The following PRH1 variants were observed in gnomAD, a reference collection of about 807,000 sequenced individuals.
The protein encoded by PRH1 is proline rich protein HaeIII subfamily 1, also known as salivary acidic proline-rich phosphoprotein 1/2.
In PRH1, 7 loss-of-function variants were observed where a neutral mutation model predicts 7.9. The ratio of observed to expected loss-of-function variants is 0.89; its 90% confidence interval spans 0.50 to 1.67. The LOEUF (loss-of-function observed/expected upper bound fraction) is 1.67, where lower values mean the gene tolerates loss of function less well. PRH1 is among the 40% of genes most tolerant of loss of function. The pLI is 0.00. For synonymous variants in PRH1, 45 were observed against 80.8 expected, an observed-to-expected ratio of 0.56 and a Z score of 2.38; for missense variants, 109 against 223.6, an observed-to-expected ratio of 0.49 and a Z score of 3.27.
chr12:10,968,738 G>A (rs894155904), intron 2 of PRH1, among the ~76,000 whole-genome samples: 1 of 152,224 alleles, frequency 6.6e-6, no homozygotes, highest in Non-Finnish European at 1.5e-5. Context: ...TCATGGGAGG[G>A]AGCACACAGG....
At chr12:10,904,028 C>T (rs572677223) in intron 2 of PRH1, among the ~76,000 whole-genome samples, 1 of 144,756 alleles carries the variant, frequency 6.9e-6, no homozygotes, top group African/African-American at 2.5e-5. Flanking sequence ...ATAGATGACA[C>T]AAACAAATGG....
At chr12:11,044,083 A>G (rs1485762097) in intron 1 of PRH1, among the ~76,000 whole-genome samples, 2 of 152,232 alleles carry the variant, frequency 1.3e-5, no homozygotes, top group Non-Finnish European at 2.9e-5. Context: ...TGTTACTGGC[A>G]TTAAGACAGA....
In PRH1 at chr12:11,082,613, G is replaced by A. The variant is rs918557197; in HGVS notation, n.124-35425C>T. ...GAGCCACTTTGCCCAGCATAATTCC[G>A]ATATTATTCTCAGAATCAGGCCTTG... On this transcript the variant is annotated intron_variant and non_coding_transcript_variant, in intron 1 of 4. Coordinates refer to the PRH1 transcript ENST00000541977. Among the ~76,000 whole-genome samples, 3 of 113,262 alleles carry A rather than the reference G, an allele frequency of 2.6e-5. 1 individual carries two copies. The highest frequency in any genetic ancestry group is 2.1e-4 in the East Asian group (1 of 4,744). 74.3% of individuals were successfully genotyped at this position (113,262 alleles called of 152,430 possible). A position where few individuals can be genotyped will look rare whatever the true frequency, so the allele number is the denominator to read the frequency against.
chr12:11,139,410 A>G (rs2136389653), intron 1 of PRH1, among the ~76,000 whole-genome samples: 2 of 152,274 alleles, frequency 1.3e-5, no homozygotes, highest in Middle Eastern at 6.8e-3. Context: ...ATGATCATTC[A>G]TATATTTCAC....
intron 1 of PRH1, among the ~76,000 whole-genome samples, chr12:11,106,422 A>C (rs188159573): frequency 1.1e-4 from 16 of 152,160 alleles, no homozygotes; most frequent in Non-Finnish European, 1.9e-4. Flanking sequence ...CCCATTTTCA[A>C]TATTTTTCAA....
intron 1 of PRH1, chr12:11,171,196 C>G (rs1290550479): frequency 2.4e-6 from 1 of 415,244 alleles, no homozygotes; most frequent in East Asian, 3.6e-5. Flanking sequence ...GCGCCCGGGG[C>G]TACGCGCCGC....
intron 3 of PRH1, among the ~76,000 whole-genome samples, chr12:10,881,840 G>A (rs1319521877): frequency 6.6e-6 from 1 of 152,144 alleles, no homozygotes; most frequent in Non-Finnish European, 1.5e-5. Flanking sequence ...AGGAATACTG[G>A]ACCTGAAAGC....
At chr12:10,973,952 G>C (rs1181787244) in intron 1 of PRH1, among the ~76,000 whole-genome samples, 1 of 152,118 alleles carries the variant, frequency 6.6e-6, no homozygotes, top group East Asian at 1.9e-4. Context: ...AGAGCACCTA[G>C]AGAAATAATT....
intron 1 of PRH1, among the ~76,000 whole-genome samples, chr12:11,033,443 A>G (rs1164185877): frequency 6.6e-6 from 1 of 152,224 alleles, no homozygotes; most frequent in African/African-American, 2.4e-5. Context: ...TAAATATCTA[A>G]TGTAGTTTTG....
chr12:11,040,501 T>C (rs1176945303), intron 1 of PRH1, among the ~76,000 whole-genome samples: 3 of 152,090 alleles, frequency 2.0e-5, no homozygotes, highest in East Asian at 1.9e-4. Flanking sequence ...CACTCATAAG[T>C]GGGAATTGAA....
intron 1 of PRH1, among the ~76,000 whole-genome samples, chr12:11,024,236 T>A (rs1941799821): frequency 6.8e-6 from 1 of 147,138 alleles, no homozygotes; most frequent in African/African-American, 2.5e-5. Context: ...TTAATAATTT[T>A]TATCATATAG....
At chr12:10,996,933 A>G (rs1450839) in intron 1 of PRH1, 557,840 of 1,574,768 alleles carry the variant, frequency 0.35, 110,006 homozygotes, top group East Asian at 0.75. Context: ...CACACAATGC[A>G]CCTCTTGTGA....
At chr12:10,906,770 G>A (rs941074880) in intron 2 of PRH1, among the ~76,000 whole-genome samples, 7 of 152,124 alleles carry the variant, frequency 4.6e-5, no homozygotes, top group Non-Finnish European at 7.3e-5. Context: ...ATGTGGAACT[G>A]TCAGTCAATT....
At chr12:11,084,180 G>A (rs78120595) in intron 1 of PRH1, among the ~76,000 whole-genome samples, 38,110 of 87,860 alleles carry the variant, frequency 0.43, 4,232 homozygotes, top group Non-Finnish European at 0.53. Context: ...TTTGTTCCGT[G>A]GGCTCTTGGG....
chr12:11,105,407 A>G (rs1479091596), intron 1 of PRH1, among the ~76,000 whole-genome samples: 2 of 152,098 alleles, frequency 1.3e-5, no homozygotes, highest in Non-Finnish European at 2.9e-5. Context: ...AATTTGCAGG[A>G]ATGTCCTTGT....
At chr12:11,149,618 G>C (rs1359432896) in intron 1 of PRH1, among the ~76,000 whole-genome samples, 1 of 145,616 alleles carries the variant, frequency 6.9e-6, no homozygotes, top group Admixed American at 7.0e-5. Context: ...CTAGCCATAT[G>C]TAGAAAGCTG....
At chr12:10,946,682 C>T (rs112868080) in intron 2 of PRH1, among the ~76,000 whole-genome samples, 167 of 152,060 alleles carry the variant, frequency 1.1e-3, no homozygotes, top group African/African-American at 1.9e-3. Flanking sequence ...CTGCTAGCTT[C>T]GGGGTTGATT....
intron 1 of PRH1, among the ~76,000 whole-genome samples, chr12:11,103,904 A>G (rs1323437134): frequency 2.6e-5 from 4 of 152,050 alleles, no homozygotes; most frequent in Non-Finnish European, 5.9e-5. Flanking sequence ...AGGTGCTTCA[A>G]TATGTAATAT....
intron 2 of PRH1, among the ~76,000 whole-genome samples, chr12:10,921,883 C>T (rs1395199150): frequency 6.6e-6 from 1 of 152,160 alleles, no homozygotes; most frequent in Admixed American, 6.5e-5. Flanking sequence ...CCTTCCACCT[C>T]AGCCTCCCTA....
Sources: allele counts gnomAD v4.1 joint callset (sites outside exome capture counted in the v4.1 genomes callset), GRCh38; gene constraint gnomAD v4.1.1; transcripts MANE v1.5; gene names NCBI Gene and HGNC (gene_info 2026-07-23, HGNC 2026-07-21).